Variants in KCNH7 observed in about 807,000 individuals in gnomAD.
KCNH7 encodes the protein voltage-gated inwardly rectifying potassium channel KCNH7.
Under a neutral mutation model 120.8 loss-of-function variants are expected in KCNH7, and 49 were observed. The ratio of observed to expected loss-of-function variants is 0.41; its 90% CI spans 0.32 to 0.51. The LOEUF (loss-of-function observed/expected upper bound fraction) is 0.51. Ranked by LOEUF, KCNH7 falls within the 20% of genes least tolerant of loss-of-function variation. The pLI is 0.38. For synonymous variants in KCNH7, 547 were observed against 516.1 expected (o/e 1.06, Z -0.81); for missense variants, 1,097 against 1,446.6 (o/e 0.76, Z 3.92).
At chr2:162,564,013 A>G (rs567252083) in intron 2 of KCNH7, among the ~76,000 whole-genome samples, 2 of 152,326 alleles carry the variant, frequency 1.3e-5, no homozygotes, top group South Asian at 4.1e-4. Flanking sequence ...TAATAGCAAT[A>G]AACTGGTACA....
intron 2 of KCNH7, among the ~76,000 whole-genome samples, chr2:162,814,116 G>T (rs1684831841): frequency 6.6e-6 from 1 of 152,134 alleles, no homozygotes. Context: ...AATAAAGGCT[G>T]TTGAAAGAAA....
intron 8 of KCNH7, among the ~76,000 whole-genome samples, chr2:162,427,590 G>C (rs191454206): frequency 2.6e-5 from 4 of 151,536 alleles, no homozygotes; most frequent in Admixed American, 2.0e-4. Flanking sequence ...ATATATTCTG[G>C]ATATAAGCCC....
At chr2:162,520,783 T>G (rs1432879099) in intron 3 of KCNH7, among the ~76,000 whole-genome samples, 1 of 151,554 alleles carries the variant, frequency 6.6e-6, no homozygotes, top group Non-Finnish European at 1.5e-5. Flanking sequence ...GAAAGAAAAA[T>G]TAATATATGA....
chr2:162,676,671 A>G (rs776008271), intron 2 of KCNH7, among the ~76,000 whole-genome samples: 62 of 151,506 alleles, frequency 4.1e-4, no homozygotes, highest in Non-Finnish European at 7.5e-4. Context: ...TTTTTAAAGA[A>G]ATTCAAAACT....
chr2:162,525,861 G>A (rs139921616), intron 3 of KCNH7, among the ~76,000 whole-genome samples: 81 of 151,952 alleles, frequency 5.3e-4, no homozygotes, highest in African/African-American at 2.0e-3. Flanking sequence ...TCTTCCAAAT[G>A]ATACTCACAT....
At chr2:162,469,881 A>G (rs1054205665) in intron 6 of KCNH7, among the ~76,000 whole-genome samples, 2 of 152,096 alleles carry the variant, frequency 1.3e-5, no homozygotes, top group East Asian at 3.9e-4. Flanking sequence ...TGGTTTTCAT[A>G]TTTTTTTGGT....
At chr2:162,464,453 A>G (rs1689246703) in intron 6 of KCNH7, among the ~76,000 whole-genome samples, 1 of 152,006 alleles carries the variant, frequency 6.6e-6, no homozygotes, top group South Asian at 2.1e-4. Context: ...TGCAAGTGAC[A>G]AAGAACAAAT....
chr2:162,792,657 G>A (rs1056321978), intron 2 of KCNH7, among the ~76,000 whole-genome samples: 50 of 147,218 alleles, frequency 3.4e-4, no homozygotes, highest in Non-Finnish European at 5.1e-4. Context: ...TCCCCTTTGC[G>A]TTTATTTGAA....
intron 2 of KCNH7, among the ~76,000 whole-genome samples, chr2:162,694,508 T>G (rs1226584390): frequency 7.2e-6 from 1 of 137,976 alleles, no homozygotes; most frequent in Non-Finnish European, 1.5e-5. Context: ...GTGTGTGTGA[T>G]CCTCACATGA....
At chr2:162,813,064 C>A (rs1343591412) in intron 2 of KCNH7, among the ~76,000 whole-genome samples, 1 of 152,118 alleles carries the variant, frequency 6.6e-6, no homozygotes, top group Admixed American at 6.5e-5. Flanking sequence ...GATAATAAAC[C>A]TCTCTATTCT....
intron 2 of KCNH7, among the ~76,000 whole-genome samples, chr2:162,693,035 G>T (rs536220939): frequency 6.6e-6 from 1 of 152,272 alleles, no homozygotes; most frequent in Non-Finnish European, 1.5e-5. Flanking sequence ...GGAAAATTTA[G>T]ATTTTATCCA....
intron 6 of KCNH7, among the ~76,000 whole-genome samples, chr2:162,448,205 G>A (rs367930347): frequency 6.6e-6 from 1 of 151,994 alleles, no homozygotes; most frequent in African/African-American, 2.4e-5. Context: ...TGTCATTTTA[G>A]AAGTACAGAT....
intron 2 of KCNH7, among the ~76,000 whole-genome samples, chr2:162,747,005 A>G (rs983251531): frequency 6.6e-6 from 1 of 152,162 alleles, no homozygotes; most frequent in Non-Finnish European, 1.5e-5. Context: ...GAGTCAAAGT[A>G]GCAAAGAAGA....
intron 6 of KCNH7, among the ~76,000 whole-genome samples, chr2:162,467,476 T>A (rs985919476): frequency 2.1e-4 from 32 of 152,116 alleles, no homozygotes; most frequent in Admixed American, 5.2e-4. Context: ...GGCAATTCCC[T>A]CCTCTCTCTC....
At chr2:162,815,196 C>T (rs1224987427) in intron 2 of KCNH7, among the ~76,000 whole-genome samples, 2 of 152,118 alleles carry the variant, frequency 1.3e-5, no homozygotes, top group East Asian at 1.9e-4. Context: ...ATTTACCCCT[C>T]AACTTATTCT....
At chr2:162,516,018 T>C (rs1691278706) in intron 4 of KCNH7, among the ~76,000 whole-genome samples, 2 of 151,758 alleles carry the variant, frequency 1.3e-5, no homozygotes, top group African/African-American at 4.8e-5. Flanking sequence ...AACTCATTAT[T>C]TTCTGATCTG....
At chr2:162,374,623 T>C (rs1686095215) in intron 14 of KCNH7, among the ~76,000 whole-genome samples, 2 of 152,176 alleles carry the variant, frequency 1.3e-5, no homozygotes. Context: ...CCCAATTAAA[T>C]TCATGCTATA....
chr2:162,769,501 C>T (rs1682955938), intron 2 of KCNH7, among the ~76,000 whole-genome samples: 1 of 152,028 alleles, frequency 6.6e-6, no homozygotes, highest in Non-Finnish European at 1.5e-5. Context: ...CCACATACTG[C>T]TATTGCAACC....
intron 2 of KCNH7, among the ~76,000 whole-genome samples, chr2:162,751,812 T>C (rs1219163403): frequency 2.6e-5 from 4 of 151,962 alleles, no homozygotes; most frequent in East Asian, 1.9e-4. Flanking sequence ...ATAACTGATG[T>C]TATATTTGCC....
Sources: allele counts gnomAD v4.1 joint callset (sites outside exome capture counted in the v4.1 genomes callset), GRCh38; gene constraint gnomAD v4.1.1; transcripts MANE v1.5; gene names NCBI Gene and HGNC (gene_info 2026-07-23, HGNC 2026-07-21).